Variants in NELL2 observed in about 807,000 individuals in gnomAD.
NELL2 encodes the protein protein kinase C-binding protein NELL2.
Under a neutral mutation model 109.6 loss-of-function variants are expected in NELL2, and 41 were observed. The observed-to-expected ratio is 0.37, with a 90% CI of 0.29 to 0.49. The LOEUF (loss-of-function observed/expected upper bound fraction) is 0.49. Among genes scored for constraint, NELL2 ranks in the 20% least tolerant of loss-of-function variants. NELL2 has a pLI of 0.98. For missense variants in NELL2, 900 were observed against 1,008.3 expected (o/e 0.89, Z 1.45); for synonymous variants, 355 against 344.7 (o/e 1.03, Z -0.33).
intron 2 of NELL2, among the ~76,000 whole-genome samples, chr12:44,848,177 G>A (rs1001563848): frequency 6.6e-6 from 1 of 152,150 alleles, no homozygotes; most frequent in Non-Finnish European, 1.5e-5. Context: ...TAAGGCTAAG[G>A]AGAGGGGATG....
intron 15 of NELL2, among the ~76,000 whole-genome samples, chr12:44,566,638 T>C (rs1345112681): frequency 6.6e-6 from 1 of 152,116 alleles, no homozygotes; most frequent in East Asian, 1.9e-4. Context: ...GACCTGTAGC[T>C]GTAATCAGAA....
In NELL2 at chr12:44,876,300, T is replaced by TA; in HGVS notation, c.-432dup. The TA allele has an allele frequency of 8.6e-7, 1 of 1,158,736 alleles. No individual in the cohort carries two copies. Among genetic ancestry groups the TA allele is most frequent in the Non-Finnish European group, 1.1e-6 (1 of 938,252 alleles). The allele number at this position is 1,158,736 out of a possible 1,614,324, so 71.8% of individuals were successfully genotyped here. A position where few individuals can be genotyped will look rare whatever the true frequency, so the allele number is the denominator to read the frequency against. ...TCTTCCCCGCCGCCCGAACCTGTTG[T>TA]AAAGGCAGAGACAATGGAGAAAGCT... On this transcript the variant is annotated 5_prime_UTR_variant, in exon 1 of 20. Transcript: ENST00000429094.
chr12:44,811,834 G>A (rs1943189462), intron 3 of NELL2, among the ~76,000 whole-genome samples: 1 of 152,078 alleles, frequency 6.6e-6, no homozygotes, highest in African/African-American at 2.4e-5. Flanking sequence ...CTATAGCAGA[G>A]ACTTTGTAGT....
chr12:44,557,226 G>A (rs542962526), intron 15 of NELL2, among the ~76,000 whole-genome samples: 4 of 152,252 alleles, frequency 2.6e-5, no homozygotes, highest in Admixed American at 1.3e-4. Context: ...CCCCTTTTGA[G>A]TTACAGATTA....
At chr12:44,605,456 A>G (rs1945364766) in intron 15 of NELL2, among the ~76,000 whole-genome samples, 1 of 152,190 alleles carries the variant, frequency 6.6e-6, no homozygotes, top group South Asian at 2.1e-4. Flanking sequence ...GCTATTTAGA[A>G]TCAGTCTGGG....
At chr12:44,607,500 T>C (rs1295874562) in intron 14 of NELL2, among the ~76,000 whole-genome samples, 1 of 152,142 alleles carries the variant, frequency 6.6e-6, no homozygotes, top group African/African-American at 2.4e-5. Context: ...TACTGAAATT[T>C]ATTTGAACAA....
intron 2 of NELL2, among the ~76,000 whole-genome samples, chr12:44,827,465 C>T (rs1341343063): frequency 2.7e-5 from 4 of 148,230 alleles, no homozygotes; most frequent in African/African-American, 5.0e-5. Context: ...TATCACTGGC[C>T]CCCACCCAAC....
intron 13 of NELL2, among the ~76,000 whole-genome samples, chr12:44,653,954 CCTACT>C (rs1947394757): frequency 6.6e-6 from 1 of 152,130 alleles, no homozygotes; most frequent in African/African-American, 2.4e-5. Context: ...TATACAACAA[CCTACT>C]CTTCCTGCTT....
chr12:44,838,211 G>T (rs1944113923), intron 2 of NELL2, among the ~76,000 whole-genome samples: 1 of 152,142 alleles, frequency 6.6e-6, no homozygotes, highest in East Asian at 1.9e-4. Flanking sequence ...ATTATTAAAG[G>T]TAATAAACCC....
At chr12:44,843,560 A>C (rs1592640293) in intron 2 of NELL2, among the ~76,000 whole-genome samples, 7 of 152,362 alleles carry the variant, frequency 4.6e-5, no homozygotes, top group Admixed American at 3.9e-4. Flanking sequence ...GAAAAATGAA[A>C]GCATACGTTC....
intron 9 of NELL2, among the ~76,000 whole-genome samples, chr12:44,739,521 T>C (rs1939827511): frequency 6.6e-6 from 1 of 152,132 alleles, no homozygotes; most frequent in African/African-American, 2.4e-5. Flanking sequence ...TATCTTAAAA[T>C]GGTTGGAAAA....
chr12:44,587,162 C>T lies in NELL2; in HGVS notation c.1663+20007G>A, dbSNP rs749701251. ...TGGCACACGCCTGTAGTCCCACCTA[C>T]TCGGGAGGCTGAGGCAGGAGAATGG... On this transcript the variant is annotated intron_variant, in intron 15 of 19. Coordinates refer to ENST00000429094, the MANE Select transcript of NELL2 (RefSeq NM_001145108.2). 1.4e-4 allele frequency among the ~76,000 whole-genome samples: 21 copies of T among 150,488 alleles called. No homozygotes were observed. The East Asian group carries it at 2.2e-3, about 16-fold the overall frequency.
intron 1 of NELL2, among the ~76,000 whole-genome samples, chr12:44,900,772 C>A (rs528905185): frequency 6.6e-6 from 1 of 152,042 alleles, no homozygotes; most frequent in Non-Finnish European, 1.5e-5. Context: ...AGGTGGATCA[C>A]AAGGTCAAGA....
intron 9 of NELL2, among the ~76,000 whole-genome samples, chr12:44,759,974 T>A (rs1048313911): frequency 1.3e-5 from 2 of 152,222 alleles, no homozygotes; most frequent in Non-Finnish European, 2.9e-5. Context: ...ATGGCAGAGT[T>A]ACTGGGGACT....
intron 2 of NELL2, among the ~76,000 whole-genome samples, chr12:44,869,680 G>A (rs1038536051): frequency 4.6e-5 from 7 of 152,108 alleles, no homozygotes; most frequent in Non-Finnish European, 8.8e-5. Context: ...GGGGATCTAT[G>A]AGTCATATGT....
chr12:44,898,260 G>T (rs992264805), intron 1 of NELL2, among the ~76,000 whole-genome samples: 2 of 152,174 alleles, frequency 1.3e-5, no homozygotes, highest in Admixed American at 1.3e-4. Context: ...GAGCTCTAGG[G>T]ACAGACGACC....
In NELL2 at chr12:44,517,375, C is replaced by CTT. The variant is rs1410472460; in HGVS notation, c.2400+2629_2400+2630insAA. 6.0e-4 allele frequency among the ~76,000 whole-genome samples: 6 copies of CTT among 9,926 alleles called. No homozygotes were observed. In the African/African-American group the frequency reaches 0.01, roughly 17 times the overall value. 6.5% of individuals were successfully genotyped at this position (9,926 alleles called of 152,430 possible). ...GGTACCTACCCACCAACTACTTTCT[C>CTT]TCTCTCTCTCTCTCTCTCTCTCTCT... On this transcript the variant is annotated intron_variant, in intron 19 of 19. Transcript: ENST00000429094.
chr12:44,811,919 T>C (rs2066948731), intron 3 of NELL2, among the ~76,000 whole-genome samples: 1 of 152,126 alleles, frequency 6.6e-6, no homozygotes, highest in African/African-American at 2.4e-5. Context: ...CTCTTGTGCT[T>C]TCTCCCAGGC....
In NELL2 at chr12:44,673,455, C is replaced by G. The variant is rs536023016; in HGVS notation, c.1319-7846G>C. On this transcript the variant is annotated intron_variant, in intron 12 of 19. Coordinates refer to ENST00000429094, the MANE Select transcript of NELL2 (RefSeq NM_001145108.2). ...TTCTGATGGCCCTATGGGGTAGAACCACAGCGACAAGTGGATAGTATCAGG... is the reference window on the plus strand; with the variant it reads ...TTCTGATGGCCCTATGGGGTAGAACGACAGCGACAAGTGGATAGTATCAGG... Among the ~76,000 whole-genome samples the G allele has an allele frequency of 2.6e-5, 4 of 152,194 alleles. No homozygotes were observed. The South Asian group carries it at 8.3e-4, about 31-fold the overall frequency.
Sources: allele counts gnomAD v4.1 joint callset (sites outside exome capture counted in the v4.1 genomes callset), GRCh38; gene constraint gnomAD v4.1.1; transcripts MANE v1.5; gene names NCBI Gene and HGNC (gene_info 2026-07-23, HGNC 2026-07-21).